STAG2: variants seen among roughly 807,000 people sequenced by gnomAD.
The protein encoded by STAG2 is STAG2 cohesin complex component.
STAG2 carries 14 observed loss-of-function variants against 108.1 expected under a neutral mutation model. The ratio of observed to expected loss-of-function variants is 0.13; its 90% CI spans 0.09 to 0.20. The LOEUF is 0.20. Ranked by LOEUF, STAG2 falls within the 10% of genes least tolerant of loss-of-function variation. The pLI, the probability that STAG2 is intolerant of heterozygous loss-of-function variation, is 1.00. For missense variants in STAG2, 440 were observed against 940.9 expected, an observed-to-expected ratio of 0.47 and a Z score of 6.96; for synonymous variants, 307 against 302.7, an observed-to-expected ratio of 1.01 and a Z score of -0.15.
At chrX:124,095,334 G>A (rs1411354109) in intron 33 of STAG2, 38 bp from the exon 34 acceptor site, 3 of 1,106,678 alleles carry the variant, frequency 2.7e-6, no homozygotes, top group African/African-American at 1.8e-5. Context: ...TGTAGATATA[G>A]CTAAACTAAT....
At chrX:124,095,207 G>A (rs2059349201) in intron 33 of STAG2, among the ~76,000 whole-genome samples, 165 bp from the exon 34 acceptor site, 1 of 112,364 alleles carries the variant, frequency 8.9e-6, no homozygotes, top group African/African-American at 3.2e-5. Context: ...GATTACAGGC[G>A]TGAGCCACCG....
chrX:124,052,200 T>G (rs2058064225), intron 13 of STAG2, among the ~76,000 whole-genome samples: 1 of 111,978 alleles, frequency 8.9e-6, no homozygotes. Flanking sequence ...AATTCACCAT[T>G]TTAACCATTT....
chrX:123,968,232 C>G (rs1396571227), intron 1 of STAG2, among the ~76,000 whole-genome samples: 1 of 112,155 alleles, frequency 8.9e-6, no homozygotes, highest in Non-Finnish European at 1.9e-5. Flanking sequence ...CTGTTGTGGA[C>G]TAAAATGTCA....
At chrX:123,964,318 G>A (rs1210964147) in intron 1 of STAG2, among the ~76,000 whole-genome samples, 1 of 110,646 alleles carries the variant, frequency 9.0e-6, no homozygotes, top group Non-Finnish European at 1.9e-5. Context: ...TAAATTGGTT[G>A]AACTTTAAAT....
chrX:124,014,370 T>C (rs2056627810), intron 1 of STAG2, among the ~76,000 whole-genome samples: 2 of 111,329 alleles, frequency 1.8e-5, no homozygotes, highest in Non-Finnish European at 3.8e-5. Flanking sequence ...GTATAAAATT[T>C]TTTTTTTTTT....
chrX:124,086,469 C>A, intron 29 of STAG2, 78 bp from the exon 30 acceptor site: 1 of 767,521 alleles, frequency 1.3e-6, no homozygotes, highest in Non-Finnish European at 1.9e-6. Flanking sequence ...AAGTAATATG[C>A]CTATGCTCGC....
chrX:124,081,778 T>A (rs755541341), intron 28 of STAG2, among the ~76,000 whole-genome samples: 6 of 111,706 alleles, frequency 5.4e-5, no homozygotes, highest in Non-Finnish European at 9.4e-5. Flanking sequence ...GGCAGGAGGA[T>A]CACTTGAGGC....
intron 1 of STAG2, among the ~76,000 whole-genome samples, chrX:124,014,979 CT>C (rs34997317): frequency 2.6e-3 from 115 of 44,518 alleles, no homozygotes; most frequent in African/African-American, 8.9e-3. Context: ...ACGTACTTTT[CT>C]TTTTTTTTTT....
At chrX:124,085,640 C>T (rs1184561896) in intron 29 of STAG2, among the ~76,000 whole-genome samples, 1 of 109,580 alleles carries the variant, frequency 9.1e-6, no homozygotes, top group Non-Finnish European at 1.9e-5. Context: ...CCAGGCATGG[C>T]AGTGTGCACC....
chrX:124,066,594 C>T (rs186552389), intron 23 of STAG2, among the ~76,000 whole-genome samples, 158 bp downstream of exon 23: 167 of 108,278 alleles, frequency 1.5e-3, no homozygotes, highest in African/African-American at 5.5e-3. Context: ...GAGAGGATAT[C>T]GATATGGTTT....
At position 123,972,337 on chromosome X, in the gene STAG2, C is replaced by G. The variant is rs751861731; in HGVS notation, c.-163+10481C>G. ...CCAGGCTGGAGTGCAGTGGCGCAATCTCAGCTCACTGCAAGCTCCACCTCC... is the reference window on the plus strand; with the variant it reads ...CCAGGCTGGAGTGCAGTGGCGCAATGTCAGCTCACTGCAAGCTCCACCTCC... On this transcript the variant is annotated intron_variant, in intron 1 of 34. Coordinates refer to ENST00000371145, the MANE Select transcript of STAG2 (RefSeq NM_001042750.2). 1.1e-4 allele frequency among the ~76,000 whole-genome samples: 12 copies of G among 105,309 alleles called. No individual in the cohort carries two copies. The East Asian group carries it at 3.3e-3, about 29-fold the overall frequency. 91.4% of individuals were successfully genotyped at this position (105,309 alleles called of 115,157 possible).
rs1255658931 is a variant in STAG2, at chrX:123,983,981, T to C, written c.-163+22125T>C. ...ATAATTTTCTTTTCTTTTCTTTTTT[T>C]TTTTTTTTTTTTTTGAGACGGGGTT... On this transcript the variant is annotated intron_variant, in intron 1 of 34. Transcript: ENST00000371145. 4.2e-3 allele frequency among the ~76,000 whole-genome samples: 276 copies of C among 66,326 alleles called. 2 individuals are homozygous for C. The highest frequency in any genetic ancestry group is 0.014 in the African/African-American group (266 of 19,182). 57.6% of individuals were successfully genotyped at this position (66,326 alleles called of 115,157 possible).
chrX:123,970,867 A>G (rs1359016543), intron 1 of STAG2, among the ~76,000 whole-genome samples: 1 of 111,641 alleles, frequency 9.0e-6, no homozygotes, highest in Non-Finnish European at 1.9e-5. Flanking sequence ...TAACTCTATG[A>G]GGTAGGATGA....
At chrX:124,015,616 G>A (rs1218600209) in intron 1 of STAG2, among the ~76,000 whole-genome samples, 1 of 108,640 alleles carries the variant, frequency 9.2e-6, no homozygotes, top group African/African-American at 3.4e-5. Context: ...CTCGTGATCC[G>A]CCTGCCTCCA....
chrX:124,074,101 A>G (rs1184876121), intron 25 of STAG2, among the ~76,000 whole-genome samples: 1 of 112,492 alleles, frequency 8.9e-6, no homozygotes, highest in Non-Finnish European at 1.9e-5. Context: ...AAAATATGAA[A>G]TGAGATCTTG....
rs34567090 is a variant in STAG2 at position 124,090,657 on chromosome X, A to G, written c.3360A>G (p.Gln1120=). ...LHTPVMMQTP[Q]LTSTIMREPK... ...CCCCTGTTATGATGCAGACACCACA[A>G]CTCACCTCCACTATTATGAGAGAGC... The change falls in exon 31 of 35, where the codon CAA becomes CAG. Residue 1120 remains glutamine, a synonymous_variant. Coordinates refer to ENST00000371145, the MANE Select transcript of STAG2 (RefSeq NM_001042750.2). 1,336 of 1,208,784 alleles carry G rather than the reference A, an allele frequency of 1.1e-3. 14 individuals carry two copies. In the African/African-American group the frequency reaches 0.021, roughly 19 times the overall value.
At chrX:124,034,978 C>T (rs1439756199) in intron 5 of STAG2, among the ~76,000 whole-genome samples, 1 of 108,721 alleles carries the variant, frequency 9.2e-6, no homozygotes, top group Non-Finnish European at 1.9e-5. Flanking sequence ...CTCACTGCAA[C>T]CTCCGCCTCC....
At chrX:123,998,587 CATCTATCTATCTATCTATCTATCT>C (rs61659958) in intron 1 of STAG2, among the ~76,000 whole-genome samples, 8 of 88,387 alleles carry the variant, frequency 9.1e-5, no homozygotes, top group South Asian at 5.7e-4. Flanking sequence ...TCTGTCTATC[CATCTATCTATCTATCTATCTATCT>C]ATCTATCTAT....
chrX:124,011,356 A>T (rs936258794), intron 1 of STAG2, among the ~76,000 whole-genome samples: 26 of 111,090 alleles, frequency 2.3e-4, no homozygotes, highest in African/African-American at 8.5e-4. Flanking sequence ...TCTAACTTGG[A>T]TGCCTTTTAT....
Sources: gnomAD v4.1 joint callset for allele counts (sites outside exome capture counted in the v4.1 genomes callset) on GRCh38, gnomAD v4.1.1 for gene constraint, MANE v1.5 for transcripts, NCBI Gene and HGNC (gene_info 2026-07-23, HGNC 2026-07-21) for gene names.